The following MICAL3 variants were observed in gnomAD, a reference collection of about 807,000 sequenced individuals.
The protein encoded by MICAL3 is [F-actin]-monooxygenase MICAL3.
MICAL3 carries 62 observed loss-of-function variants against 207.4 expected under a neutral mutation model. The observed-to-expected ratio is 0.30, with a 90% CI of 0.24 to 0.37. The LOEUF is 0.37. Among genes scored for constraint, MICAL3 ranks in the 10% least tolerant of loss-of-function variants. The pLI is 1.00. For missense variants in MICAL3, 2,368 were observed against 2,635.6 expected (o/e 0.90, Z 2.22); for synonymous variants, 1,077 against 1,069.3 (o/e 1.01, Z -0.14).
intron 1 of MICAL3, among the ~76,000 whole-genome samples, chr22:18,012,915 C>A (rs1923838471): frequency 6.6e-6 from 1 of 152,180 alleles, no homozygotes; most frequent in Non-Finnish European, 1.5e-5. Context: ...CATTCAGACC[C>A]CCTTGCTTGG....
At chr22:17,824,630 GGA>G (rs1200555615) in intron 22 of MICAL3, among the ~76,000 whole-genome samples, 1 of 152,208 alleles carries the variant, frequency 6.6e-6, no homozygotes, top group African/African-American at 2.4e-5. Flanking sequence ...CACGTCACAG[GGA>G]GAGATAGGCG....
chr22:17,825,357 GA>G (rs1324245478), intron 22 of MICAL3, among the ~76,000 whole-genome samples: 1 of 152,110 alleles, frequency 6.6e-6, no homozygotes, highest in African/African-American at 2.4e-5. Flanking sequence ...TTCAGGTTAA[GA>G]CGGAGTGCAG....
intron 1 of MICAL3, among the ~76,000 whole-genome samples, chr22:17,969,602 C>T (rs1400205203): frequency 6.6e-6 from 1 of 152,184 alleles, no homozygotes; most frequent in African/African-American, 2.4e-5. Context: ...TGATTTAAGG[C>T]AACATGGGCC....
intron 1 of MICAL3, among the ~76,000 whole-genome samples, chr22:17,950,347 T>TG (rs1433219023): frequency 2.0e-4 from 29 of 146,618 alleles, no homozygotes; most frequent in Admixed American, 7.5e-4. Context: ...GTTTTTTTTT[T>TG]TTTTTTTTTT....
chr22:17,885,756 G>A, intron 16 of MICAL3, 122 bp downstream of exon 16: 2 of 1,031,106 alleles, frequency 1.9e-6, no homozygotes, highest in South Asian at 1.5e-5. Context: ...GCGAGGGAAA[G>A]CCAGATGCCA....
intron 1 of MICAL3, among the ~76,000 whole-genome samples, chr22:17,910,787 G>A (rs1055275147): frequency 1.8e-4 from 28 of 152,290 alleles, no homozygotes; most frequent in Non-Finnish European, 2.9e-4. Context: ...GACAACAGCC[G>A]GGAAGCACAG....
intron 29 of MICAL3, among the ~76,000 whole-genome samples, chr22:17,800,593 G>GTGACA: frequency 6.6e-6 from 1 of 152,290 alleles, no homozygotes; most frequent in East Asian, 1.9e-4. Flanking sequence ...AGCCTGGAGC[G>GTGACA]TGACACACAG....
At chr22:17,907,316 A>T (rs1199268235) in intron 1 of MICAL3, among the ~76,000 whole-genome samples, 1 of 152,186 alleles carries the variant, frequency 6.6e-6, no homozygotes, top group Admixed American at 6.5e-5. Flanking sequence ...AGGACATGGG[A>T]AAGTGACAAA....
At chr22:17,912,650 G>A (rs1242307009) in intron 1 of MICAL3, among the ~76,000 whole-genome samples, 1 of 152,110 alleles carries the variant, frequency 6.6e-6, no homozygotes, top group Admixed American at 6.5e-5. Flanking sequence ...ATATAAAAAT[G>A]TAACTGATTT....
At chr22:17,860,301 G>A in intron 19 of MICAL3, 8 of 985,372 alleles carry the variant, frequency 8.1e-6, no homozygotes, top group Non-Finnish European at 9.6e-6. Context: ...AACACACCAA[G>A]AACTCACAAG....
Position 17,790,692 on chromosome 22 carries a change from C to T in MICAL3, c.*40G>A. Reference sequence around the variant, plus strand: ...GGTGGTTTGGATGCCACTGCCTGGCCAGGCGGATGCCAACAGAAAATGGAG... The same window carrying T: ...GGTGGTTTGGATGCCACTGCCTGGCTAGGCGGATGCCAACAGAAAATGGAG... On this transcript the variant is annotated 3_prime_UTR_variant, in exon 32 of 32. Coordinates refer to ENST00000441493, the MANE Select transcript of MICAL3 (RefSeq NM_015241.3). The T allele has an allele frequency of 1.3e-6, 2 of 1,543,242 alleles. No individual in the cohort carries two copies. Among genetic ancestry groups the T allele is most frequent in the Non-Finnish European group, 1.8e-6 (2 of 1,140,874 alleles).
chr22:18,017,470 C>T (rs1924135533), intron 1 of MICAL3, among the ~76,000 whole-genome samples: 1 of 152,152 alleles, frequency 6.6e-6, no homozygotes, highest in Non-Finnish European at 1.5e-5. Context: ...CCACCTCCGC[C>T]TCCCAAAGTG....
Position 17,827,610 on chromosome 22 carries a change from G to A in MICAL3, c.3193+34C>T, listed in dbSNP as rs754582011. The A allele has an allele frequency of 2.6e-6, 4 of 1,530,896 alleles. No homozygotes were observed. In the African/African-American group the frequency reaches 4.1e-5, roughly 16 times the overall value. 94.8% of individuals were successfully genotyped at this position (1,530,896 alleles called of 1,614,324 possible). On this transcript the variant is annotated intron_variant, in intron 22 of 31. Coordinates refer to ENST00000441493, the MANE Select transcript of MICAL3 (RefSeq NM_015241.3). ...AGAGGCAGCAGGCGGGTGGTGCTCG[G>A]GGCACACTGCGGCCTGGGGCTGGGA...
chr22:17,918,975 T>A (rs2146293351), intron 1 of MICAL3, among the ~76,000 whole-genome samples: 1 of 152,270 alleles, frequency 6.6e-6, no homozygotes, highest in East Asian at 1.9e-4. Flanking sequence ...AGTGTGGACT[T>A]CCCTGGTCAC....
intron 18 of MICAL3, 73 bp from the exon 19 acceptor site, chr22:17,865,059 T>G: frequency 7.9e-7 from 1 of 1,261,132 alleles, no homozygotes; most frequent in South Asian, 2.3e-5. Flanking sequence ...CTAGAGGCAC[T>G]GACAATCTGA....
intron 16 of MICAL3, chr22:17,879,464 C>A (rs143055021): frequency 9.6e-5 from 136 of 1,417,974 alleles, no homozygotes; most frequent in Non-Finnish European, 1.3e-4. Context: ...ACCTACTAAA[C>A]GACAGTGGGA....
At chr22:17,829,913 A>C (rs988750959) in intron 21 of MICAL3, among the ~76,000 whole-genome samples, 3 of 152,126 alleles carry the variant, frequency 2.0e-5, no homozygotes, top group African/African-American at 7.2e-5. Context: ...GCAGGCTGGG[A>C]CCAGGGAGAG....
At position 17,906,759 on chromosome 22, in the gene MICAL3, C is replaced by T. The variant is rs750182545; in HGVS notation, c.54G>A (p.Arg18=). 7.4e-6 allele frequency: 12 copies of T among 1,613,702 alleles called. No individual in the cohort carries two copies. The highest frequency in any genetic ancestry group is 3.4e-6 in the Non-Finnish European group (4 of 1,179,776). Residue 18 remains arginine, a synonymous_variant, in exon 2 of 32, where the codon CGG becomes CGA. Transcript: ENST00000441493. ...TMNPAHVLFD[R]FVQATTCKGT... ...CCTTGCAGGTGGTGGCCTGGACAAACCGGTCAAAGAGGACATGAGCTGGGT... is the reference window on the plus strand; with the variant it reads ...CCTTGCAGGTGGTGGCCTGGACAAATCGGTCAAAGAGGACATGAGCTGGGT...
At chr22:17,983,833 G>C (rs2896013) in intron 1 of MICAL3, among the ~76,000 whole-genome samples, 1 of 152,036 alleles carries the variant, frequency 6.6e-6, no homozygotes, top group African/African-American at 2.4e-5. Flanking sequence ...ATCAGACTCC[G>C]AGAGAATATT....
Sources: gnomAD v4.1 joint callset for allele counts (sites outside exome capture counted in the v4.1 genomes callset) on GRCh38, gnomAD v4.1.1 for gene constraint, MANE v1.5 for transcripts, NCBI Gene and HGNC (gene_info 2026-07-23, HGNC 2026-07-21) for gene names.